DRC11: variants seen among roughly 807,000 people sequenced by gnomAD.
DRC11 encodes IQ and AAA domain-containing protein 1.
chr2:236,414,775 T>C, the DRC11 span, among the ~76,000 whole-genome samples: 1 of 152,246 alleles, frequency 6.6e-6, no homozygotes, highest in African/African-American at 2.4e-5. Context: ...ATTTTAAACA[T>C]TAAACTGTTT....
chr2:236,356,997 T>C, the DRC11 span, among the ~76,000 whole-genome samples: 1 of 89,330 alleles, frequency 1.1e-5, no homozygotes, highest in Admixed American at 1.1e-4. Context: ...TATATCTATA[T>C]ATTTATATAT....
chr2:236,356,895 A>G, the DRC11 span, among the ~76,000 whole-genome samples: 1 of 116,840 alleles, frequency 8.6e-6, no homozygotes, highest in African/African-American at 3.6e-5. Flanking sequence ...ACTTTTTATA[A>G]TATGTATATT....
chr2:236,419,726 T>C, the DRC11 span, among the ~76,000 whole-genome samples: 2 of 152,218 alleles, frequency 1.3e-5, no homozygotes, highest in Admixed American at 6.5e-5. This position sits in a 1 kb window ranked among gnomAD's most constrained non-coding sequence, Gnocchi z 4.8. Context: ...CATGAGTTGG[T>C]TTCTTTCACC....
chr2:236,338,210 C>A, the DRC11 span: 74 of 1,613,458 alleles, frequency 4.6e-5, no homozygotes, highest in Admixed American at 8.3e-5. Flanking sequence ...CTTGCCGTAT[C>A]TGGAAGCATA....
At chr2:236,361,645 C>T in the DRC11 span, among the ~76,000 whole-genome samples, 1 of 151,500 alleles carries the variant, frequency 6.6e-6, no homozygotes, top group African/African-American at 2.4e-5. This position sits in a 1 kb window ranked among gnomAD's most constrained non-coding sequence, Gnocchi z 5.7. Context: ...CCGTAGGCCA[C>T]CACTAAAAAA....
the DRC11 span, among the ~76,000 whole-genome samples, chr2:236,340,379 C>A: frequency 6.6e-6 from 1 of 152,216 alleles, no homozygotes; most frequent in Non-Finnish European, 1.5e-5. Context: ...CCGCTTCGGC[C>A]TCCCAAAGTG....
the DRC11 span, among the ~76,000 whole-genome samples, chr2:236,443,706 G>T: frequency 6.6e-6 from 1 of 152,146 alleles, no homozygotes; most frequent in South Asian, 2.1e-4. The surrounding 1 kb of genome is among the most constrained non-coding windows in gnomAD (Gnocchi z 4.4). Flanking sequence ...CTGTATAATA[G>T]AATTATTTTT....
the DRC11 span, chr2:236,454,751 C>G: frequency 6.6e-6 from 1 of 152,216 alleles, no homozygotes; most frequent in Non-Finnish European, 1.5e-5. The surrounding 1 kb of genome is among the most constrained non-coding windows in gnomAD (Gnocchi z 5.3). Context: ...TAGAAGTCCT[C>G]AGAGAGAACA....
chr2:236,320,834 AC>A, the DRC11 span, among the ~76,000 whole-genome samples: 6 of 133,208 alleles, frequency 4.5e-5, no homozygotes, highest in South Asian at 5.1e-4. Context: ...CTCCGCCGGT[AC>A]CCCCCCGCCC....
chr2:236,489,825 T>TG, the DRC11 span, among the ~76,000 whole-genome samples: 1 of 152,254 alleles, frequency 6.6e-6, no homozygotes, highest in East Asian at 1.9e-4. Flanking sequence ...CTTGGGAAGC[T>TG]GGGGCGAGAG....
At chr2:236,482,650 G>T in the DRC11 span, among the ~76,000 whole-genome samples, 2 of 152,134 alleles carry the variant, frequency 1.3e-5, no homozygotes. This position sits in a 1 kb window ranked among gnomAD's most constrained non-coding sequence, Gnocchi z 4.5. Context: ...TGAAATTAGG[G>T]ATGGGTGTGT....
the DRC11 span, among the ~76,000 whole-genome samples, chr2:236,436,415 TTA>T: frequency 6.6e-6 from 1 of 152,180 alleles, no homozygotes; most frequent in African/African-American, 2.4e-5. Flanking sequence ...GGTGACATGT[TTA>T]TGAAATTTTT....
chr2:236,450,199 C>CA, the DRC11 span, among the ~76,000 whole-genome samples: 1 of 151,568 alleles, frequency 6.6e-6, no homozygotes, highest in Non-Finnish European at 1.5e-5. Context: ...ATAATTTTTA[C>CA]AGTGGAATGG....
At chr2:236,491,086 T>C in the DRC11 span, among the ~76,000 whole-genome samples, 1 of 136,672 alleles carries the variant, frequency 7.3e-6, no homozygotes, top group African/African-American at 2.8e-5. Flanking sequence ...CCAAGAAGAA[T>C]ATATACTCTG....
chr2:236,408,109 A>C, the DRC11 span: 3 of 643,612 alleles, frequency 4.7e-6, no homozygotes, highest in South Asian at 4.1e-5. This position sits in a 1 kb window ranked among gnomAD's most constrained non-coding sequence, Gnocchi z 5.5. Flanking sequence ...ACCATATGGG[A>C]CAAAGCCACC....
chr2:236,442,680 T>C, the DRC11 span, among the ~76,000 whole-genome samples: 1 of 152,220 alleles, frequency 6.6e-6, no homozygotes, highest in Admixed American at 6.5e-5. Context: ...GTTCCCACAG[T>C]TGATACATTT....
At chr2:236,358,457 TATAA>T in the DRC11 span, among the ~76,000 whole-genome samples, 1 of 139,976 alleles carries the variant, frequency 7.1e-6, no homozygotes, top group Non-Finnish European at 1.5e-5. Context: ...ATATAAAAAG[TATAA>T]ATATTTGATA....
chr2:236,439,246 C>T, the DRC11 span, among the ~76,000 whole-genome samples: 12 of 151,948 alleles, frequency 7.9e-5, no homozygotes, highest in Non-Finnish European at 1.5e-4. Context: ...AATAGAGACA[C>T]AAAAAACCCT....
At chr2:236,366,676 T>C in the DRC11 span, among the ~76,000 whole-genome samples, 1 of 151,978 alleles carries the variant, frequency 6.6e-6, no homozygotes, top group African/African-American at 2.4e-5. Context: ...GATACCACCT[T>C]GTATCCTTTG....
Sources: allele counts gnomAD v4.1 joint callset (sites outside exome capture counted in the v4.1 genomes callset), GRCh38; gene constraint gnomAD v4.1.1; non-coding constraint Gnocchi (gnomAD v3.1); transcripts MANE v1.5; gene names NCBI Gene and HGNC (gene_info 2026-07-23, HGNC 2026-07-21).